Variants in ATP6V1H observed in about 807,000 individuals in gnomAD.
The protein encoded by ATP6V1H is ATPase H+ transporting V1 subunit H, also known as V-type proton ATPase subunit H.
In ATP6V1H, 39 loss-of-function variants were observed where a neutral mutation model predicts 71.7. The observed-to-expected ratio is 0.54, with a 90% CI of 0.42 to 0.71. ATP6V1H has a LOEUF of 0.71. Among genes scored for constraint, ATP6V1H ranks in the 30% least tolerant of loss-of-function variants. The pLI is 0.00. For missense variants in ATP6V1H, 509 were observed against 594.9 expected, an observed-to-expected ratio of 0.86 and a Z score of 1.50; for synonymous variants, 192 against 199.3, an observed-to-expected ratio of 0.96 and a Z score of 0.31.
chr8:53,766,641 A>T (rs771654488), intron 11 of ATP6V1H, among the ~76,000 whole-genome samples: 13 of 152,180 alleles, frequency 8.5e-5, no homozygotes, highest in Non-Finnish European at 1.5e-4. Flanking sequence ...TGAGAAAGAG[A>T]ATGCGCACCT....
rs546789386 is a variant in ATP6V1H at position 53,783,425 on chromosome 8, T to C, written c.871-11258A>G. On this transcript the variant is annotated intron_variant, in intron 9 of 13. Transcript: ENST00000359530. ...ATTTTTTATTGTGTCTATTTGATTCTTCTCTCTTTTCTTCTTTATTAGTCT... is the reference window on the plus strand; with the variant it reads ...ATTTTTTATTGTGTCTATTTGATTCCTCTCTCTTTTCTTCTTTATTAGTCT... Among the ~76,000 whole-genome samples the C allele has an allele frequency of 2.1e-3, 323 of 152,334 alleles. 2 individuals carry two copies. Among genetic ancestry groups the C allele is most frequent in the African/African-American group, 7.5e-3 (313 of 41,560 alleles).
intron 12 of ATP6V1H, among the ~76,000 whole-genome samples, chr8:53,755,525 A>C (rs1807980799): frequency 6.7e-6 from 1 of 148,986 alleles, no homozygotes; most frequent in Admixed American, 6.7e-5. Context: ...GGGAGTGGCG[A>C]TTCTTTTCCT....
At position 53,839,550 on chromosome 8, in the gene ATP6V1H, A is replaced by G. The variant is rs1258019036; in HGVS notation, c.113+2028T>C. The G allele has an allele frequency of 1.5e-5, 14 of 940,586 alleles. No individual in the cohort carries two copies. The African/African-American group carries it at 2.3e-4, about 16-fold the overall frequency. 58.3% of individuals were successfully genotyped at this position (940,586 alleles called of 1,614,324 possible). ...TCACTAAGACTCTCTCAATCTAACC[A>G]ATTCTATCTATTCCAATACCTTGGT... On this transcript the variant is annotated intron_variant, in intron 2 of 13. Coordinates refer to ENST00000359530, the MANE Select transcript of ATP6V1H (RefSeq NM_015941.4).
intron 2 of ATP6V1H, among the ~76,000 whole-genome samples, chr8:53,838,556 A>T (rs1477158042): frequency 6.6e-6 from 1 of 152,074 alleles, no homozygotes; most frequent in African/African-American, 2.4e-5. Flanking sequence ...CTCTATCTTA[A>T]CATTTAGCAC....
intron 9 of ATP6V1H, among the ~76,000 whole-genome samples, chr8:53,787,323 C>A (rs974534687): frequency 6.6e-6 from 1 of 152,202 alleles, no homozygotes; most frequent in East Asian, 1.9e-4. Flanking sequence ...AATAAAATTT[C>A]TTCATGGCAA....
intron 12 of ATP6V1H, among the ~76,000 whole-genome samples, chr8:53,752,376 TGATGAAGTGCTGAG>T (rs953042402): frequency 3.9e-5 from 6 of 152,190 alleles, no homozygotes. Flanking sequence ...ACTGAGTGTC[TGATGAAGTGCTGAG>T]CTGGGCTTCT....
intron 4 of ATP6V1H, among the ~76,000 whole-genome samples, chr8:53,818,787 G>C (rs888994259): frequency 6.6e-6 from 1 of 152,060 alleles, no homozygotes; most frequent in African/African-American, 2.4e-5. Flanking sequence ...GTTCAGAAGT[G>C]ATAAGGATGA....
intron 2 of ATP6V1H, among the ~76,000 whole-genome samples, chr8:53,836,223 T>G (rs1046309954): frequency 1.3e-5 from 2 of 152,158 alleles, no homozygotes; most frequent in Non-Finnish European, 2.9e-5. Flanking sequence ...ATTTTACCCC[T>G]AAATTTTGCT....
chr8:53,756,550 C>T lies in ATP6V1H; in HGVS notation c.1277+5G>A. 1 of 1,611,054 alleles carries T rather than the reference C, an allele frequency of 6.2e-7. No homozygotes were observed. Among genetic ancestry groups the T allele is most frequent in the Non-Finnish European group, 8.5e-7 (1 of 1,177,718 alleles). On this transcript the variant is annotated splice_donor_5th_base_variant and intron_variant, in intron 12 of 13. Coordinates refer to ENST00000359530, the MANE Select transcript of ATP6V1H (RefSeq NM_015941.4). Reference sequence around the variant, plus strand: ...AACCAAATGAAATGAATGGCTTTCTCTTACCGTTTGCCTCGTGGATAATGC... The same window carrying T: ...AACCAAATGAAATGAATGGCTTTCTTTTACCGTTTGCCTCGTGGATAATGC...
rs577374343 is a variant in ATP6V1H, at chr8:53,813,721, T to C, written c.525+941A>G. 4.7e-4 allele frequency among the ~76,000 whole-genome samples: 72 copies of C among 152,264 alleles called. 1 individual carries two copies. Among genetic ancestry groups the C allele is most frequent in the African/African-American group, 1.6e-3 (65 of 41,552 alleles). ...TCTTTTGCCCTGTTCTGAGGAAACA[T>C]GAAGACAAAACAGAAAACTTGTCAT... On this transcript the variant is annotated intron_variant, in intron 6 of 13. Transcript: ENST00000359530.
intron 11 of ATP6V1H, among the ~76,000 whole-genome samples, chr8:53,767,673 T>C (rs1339740597): frequency 3.3e-5 from 5 of 152,188 alleles, no homozygotes; most frequent in African/African-American, 1.2e-4. Flanking sequence ...ATGTCTATAG[T>C]CAATTGATTT....
chr8:53,729,759 C>T (rs1380379064), intron 13 of ATP6V1H, among the ~76,000 whole-genome samples: 1 of 152,172 alleles, frequency 6.6e-6, no homozygotes, highest in East Asian at 1.9e-4. Flanking sequence ...GGAGAACTGC[C>T]CCGCAGACAG....
intron 12 of ATP6V1H, among the ~76,000 whole-genome samples, chr8:53,746,049 C>G (rs1477907942): frequency 1.3e-5 from 2 of 152,202 alleles, no homozygotes; most frequent in African/African-American, 2.4e-5. Context: ...TAAAAACATA[C>G]AGCTCACACA....
chr8:53,806,852 T>C (rs1179432003), intron 7 of ATP6V1H: 1 of 455,156 alleles, frequency 2.2e-6, no homozygotes, highest in Admixed American at 2.4e-5. Context: ...ATTTACTGAA[T>C]ACTGTGCTGA....
At chr8:53,841,113 A>G (rs1811328092) in intron 2 of ATP6V1H, among the ~76,000 whole-genome samples, 1 of 152,230 alleles carries the variant, frequency 6.6e-6, no homozygotes, top group East Asian at 1.9e-4. Flanking sequence ...TTTGCTTAAG[A>G]TCACCAAACT....
At chr8:53,802,540 G>A (rs2130437794) in intron 7 of ATP6V1H, among the ~76,000 whole-genome samples, 1 of 152,126 alleles carries the variant, frequency 6.6e-6, no homozygotes, top group Non-Finnish European at 1.5e-5. Context: ...GCAACCTGGT[G>A]AAACCCCATA....
chr8:53,770,951 C>T (rs1406812986), intron 10 of ATP6V1H, among the ~76,000 whole-genome samples: 1 of 152,130 alleles, frequency 6.6e-6, no homozygotes, highest in Non-Finnish European at 1.5e-5. Context: ...AATCATTTTT[C>T]TTCCTCCACA....
In ATP6V1H at chr8:53,782,479, A is replaced by G. The variant is rs990601716; in HGVS notation, c.871-10312T>C. On this transcript the variant is annotated intron_variant, in intron 9 of 13. Transcript: ENST00000359530. Reference sequence around the variant, plus strand: ...GGTTTTCTAGATATACAATCATGTCATCTGCAAACAGGGACAATTTGACTT... The same window carrying G: ...GGTTTTCTAGATATACAATCATGTCGTCTGCAAACAGGGACAATTTGACTT... Among the ~76,000 whole-genome samples the G allele has an allele frequency of 2.7e-4, 41 of 151,972 alleles. 1 individual carries two copies. In the South Asian group the frequency reaches 6.2e-3, roughly 23 times the overall value.
At chr8:53,753,082 T>C (rs1807859157) in intron 12 of ATP6V1H, among the ~76,000 whole-genome samples, 1 of 116,242 alleles carries the variant, frequency 8.6e-6, no homozygotes, top group Non-Finnish European at 1.7e-5. Context: ...AAACCATGCC[T>C]TTTTTTTTTT....
Sources: allele counts gnomAD v4.1 joint callset (sites outside exome capture counted in the v4.1 genomes callset), GRCh38; gene constraint gnomAD v4.1.1; transcripts MANE v1.5; gene names NCBI Gene and HGNC (gene_info 2026-07-23, HGNC 2026-07-21).